Variants in STX7 observed in about 807,000 individuals in gnomAD.
STX7 encodes syntaxin 7, also known as syntaxin-7.
Under a neutral mutation model 39.6 loss-of-function variants are expected in STX7, and 34 were observed. The observed-to-expected ratio is 0.86, with a 90% CI of 0.65 to 1.14. STX7 has a LOEUF of 1.14. Ranked by LOEUF, STX7 falls within the 50% of genes most tolerant of loss-of-function variation. The pLI is 0.00. For missense variants in STX7, 284 were observed against 310.4 expected, an observed-to-expected ratio of 0.92 and a Z score of 0.64; for synonymous variants, 119 against 99.1, an observed-to-expected ratio of 1.20 and a Z score of -1.19.
intron 2 of STX7, among the ~76,000 whole-genome samples, chr6:132,477,630 A>T (rs1205614087): frequency 1.3e-5 from 2 of 152,156 alleles, no homozygotes; most frequent in African/African-American, 2.4e-5. Context: ...GGAGTAAGAG[A>T]TATAAAATAT....
Position 132,471,590 on chromosome 6 carries a change from T to C in STX7, c.260A>G (p.Lys87Arg). The stretch of plus-strand genomic sequence containing the variant: ...TGCCACTAAGCGATCCTTCTGTATT[T>C]TCCTTTGACGCTAGAGGAAAGAGAA... ...PTTPSEQRQR[K>R]IQKDRLVAEF... The change falls in exon 5 of 10, where the codon AAA becomes AGA. Residue 87 changes from lysine (K) to arginine (R), a missense_variant. Physicochemically the swap from Lys to Arg is conservative, Grantham distance 26. Coordinates refer to ENST00000367941, the MANE Select transcript of STX7 (RefSeq NM_003569.3). The C allele has an allele frequency of 2.5e-6, 4 of 1,612,586 alleles. No homozygotes were observed. The highest frequency in any genetic ancestry group is 3.4e-6 in the Non-Finnish European group (4 of 1,179,510).
chr6:132,470,676 A>T, intron 5 of STX7, 50 bp from the exon 6 acceptor site: 1 of 1,334,436 alleles, frequency 7.5e-7, no homozygotes, highest in Non-Finnish European at 1.1e-6. Flanking sequence ...AAAAAGCAAA[A>T]ATGAGAAAAA....
rs1562343799 is a variant in STX7, at chr6:132,509,517, A to ATAAC, written c.-59+3489_-59+3490insGTTA. On this transcript the variant is annotated intron_variant, in intron 1 of 9. Transcript: ENST00000367941. ...CATAACATAACATAACATAACATAAAATAAAAAAAGACAAAAGAAAAACCA... is the reference window on the plus strand; with the variant it reads ...CATAACATAACATAACATAACATAAATAACATAAAAAAAGACAAAAGAAAAACCA... 8.9e-4 allele frequency among the ~76,000 whole-genome samples: 125 copies of ATAAC among 140,798 alleles called. 1 individual carries two copies. Among genetic ancestry groups the ATAAC allele is most frequent in the East Asian group, 7.5e-3 (37 of 4,932 alleles). 92.4% of individuals were successfully genotyped at this position (140,798 alleles called of 152,430 possible).
At chr6:132,492,507 C>G (rs552766628) in intron 2 of STX7, among the ~76,000 whole-genome samples, 3 of 152,290 alleles carry the variant, frequency 2.0e-5, no homozygotes, top group African/African-American at 7.2e-5. Flanking sequence ...TCCAGACAGT[C>G]CCTAGCACAT....
chr6:132,473,512 A>C (rs1289150547), intron 3 of STX7, among the ~76,000 whole-genome samples: 1 of 109,030 alleles, frequency 9.2e-6, no homozygotes, highest in Admixed American at 1.0e-4. Flanking sequence ...TTTTTTTATT[A>C]TTGTGTTGTT....
rs1009580476 is a variant in STX7 at position 132,450,590 on chromosome 6, G to A, written c.*10168C>T. On this transcript the variant is annotated 3_prime_UTR_variant, in exon 10 of 10. Coordinates refer to ENST00000367941, the MANE Select transcript of STX7 (RefSeq NM_003569.3). ...ACTCCAGGGGTCAACCAACATTTTC[G>A]GTAAAGGGCCAGAAATTTTAAAATT... 3 of 151,806 alleles carry A rather than the reference G, an allele frequency of 2.0e-5. No individual in the cohort carries two copies. Among genetic ancestry groups the A allele is most frequent in the East Asian group, 3.9e-4 (2 of 5,176 alleles). 9.4% of individuals were successfully genotyped at this position (151,806 alleles called of 1,614,324 possible). A position where few individuals can be genotyped will look rare whatever the true frequency, so the allele number is the denominator to read the frequency against.
intron 8 of STX7, among the ~76,000 whole-genome samples, chr6:132,464,767 T>C (rs796653710): frequency 4.7e-4 from 72 of 152,300 alleles, no homozygotes; most frequent in African/African-American, 1.7e-3. Flanking sequence ...TACAGAGTGC[T>C]GAAGGCCATT....
chr6:132,474,227 CAAAAA>C (rs67939950), intron 3 of STX7, among the ~76,000 whole-genome samples: 6 of 69,922 alleles, frequency 8.6e-5, no homozygotes, highest in Non-Finnish European at 1.3e-4. Context: ...GATCCTGTCT[CAAAAA>C]AAAAAAAAAA....
chr6:132,463,825 G>C (rs751992188), intron 9 of STX7, among the ~76,000 whole-genome samples, 168 bp downstream of exon 9: 15 of 152,204 alleles, frequency 9.9e-5, no homozygotes, highest in Non-Finnish European at 1.9e-4. Flanking sequence ...GCTAAAAACA[G>C]TTCTAAACTG....
rs1774018492 is a variant in STX7 at position 132,446,548 on chromosome 6, T to C, written c.*14210A>G. 1 of 152,214 alleles carries C rather than the reference T, an allele frequency of 6.6e-6. No individual in the cohort carries two copies. Among genetic ancestry groups the C allele is most frequent in the Non-Finnish European group, 1.5e-5 (1 of 68,046 alleles). The allele number at this position is 152,214 out of a possible 1,614,324, so 9.4% of individuals were successfully genotyped here. A position where few individuals can be genotyped will look rare whatever the true frequency, so the allele number is the denominator to read the frequency against. On this transcript the variant is annotated 3_prime_UTR_variant, in exon 10 of 10. Coordinates refer to ENST00000367941, the MANE Select transcript of STX7 (RefSeq NM_003569.3). ...TCGCATTGTCCCCAATGTCAGAATG[T>C]GCTGAATAAGATTTTGCTTTTTCTC...
Position 132,451,952 on chromosome 6 carries a change from C to A in STX7, c.*8806G>T. 1 of 152,118 alleles carries A rather than the reference C, an allele frequency of 6.6e-6. No homozygotes were observed. The highest frequency in any genetic ancestry group is 1.9e-4 in the East Asian group (1 of 5,190). 9.4% of individuals were successfully genotyped at this position (152,118 alleles called of 1,614,324 possible). A position where few individuals can be genotyped will look rare whatever the true frequency, so the allele number is the denominator to read the frequency against. On this transcript the variant is annotated 3_prime_UTR_variant, in exon 10 of 10. Coordinates refer to ENST00000367941, the MANE Select transcript of STX7 (RefSeq NM_003569.3). ...GAAGCTAGTATTACCCTGATACCAC[C>A]AACCAGTATGTCGCATTAAAACAGA... is the stretch of plus-strand genomic sequence containing the variant.
chr6:132,470,625 C>T lies in STX7; in HGVS notation c.389G>A (p.Gly130Asp). 2 of 1,607,306 alleles carry T rather than the reference C, an allele frequency of 1.2e-6. No individual in the cohort carries two copies. Among genetic ancestry groups the T allele is most frequent in the Non-Finnish European group, 1.7e-6 (2 of 1,175,790 alleles). ...TTTTGAGCTGTCCTCAGGAAAACTG[C>T]CCTGAATAATTTAGTAACAGGATGG... ...ARVRASSRVS[G>D]SFPEDSSKER... is the part of the protein sequence containing the mutation. Residue 130 changes from glycine (G) to aspartate (D), a missense_variant and splice_region_variant, in exon 6 of 10, where the codon GGC becomes GAC. Physicochemically the swap from Gly to Asp is moderately conservative, Grantham distance 94 (BLOSUM62 -1). Transcript: ENST00000367941.
chr6:132,506,768 C>T (rs1333744316), intron 1 of STX7, among the ~76,000 whole-genome samples: 1 of 151,854 alleles, frequency 6.6e-6, no homozygotes, highest in Non-Finnish European at 1.5e-5. Context: ...ATATTTGATC[C>T]AGTAACCTCG....
intron 2 of STX7, among the ~76,000 whole-genome samples, chr6:132,486,852 A>G (rs1775146659): frequency 6.6e-6 from 1 of 152,018 alleles, no homozygotes; most frequent in Admixed American, 6.6e-5. Context: ...CTTTTAGTAG[A>G]GACAGAGTTT....
In STX7 at chr6:132,450,540, ACT is replaced by A. The variant is rs1358579838; in HGVS notation, c.*10216_*10217del. 6.6e-6 allele frequency: 1 copy of A among 151,854 alleles called. No homozygotes were observed. Among genetic ancestry groups the A allele is most frequent in the Non-Finnish European group, 1.5e-5 (1 of 68,008 alleles). 9.4% of individuals were successfully genotyped at this position (151,854 alleles called of 1,614,324 possible). A position where few individuals can be genotyped will look rare whatever the true frequency, so the allele number is the denominator to read the frequency against. On this transcript the variant is annotated 3_prime_UTR_variant, in exon 10 of 10. Coordinates refer to ENST00000367941, the MANE Select transcript of STX7 (RefSeq NM_003569.3). ...TCCTCTCAAAAAAAAAAAAATTGAT[ACT>A]CTCTTCTATAGTATAGGTTTATACT...
intron 1 of STX7, among the ~76,000 whole-genome samples, chr6:132,507,379 A>G (rs1775730410): frequency 6.6e-6 from 1 of 152,246 alleles, no homozygotes; most frequent in Non-Finnish European, 1.5e-5. Flanking sequence ...GGTTTTTAAT[A>G]TATTTACAAC....
intron 2 of STX7, among the ~76,000 whole-genome samples, chr6:132,495,246 T>C (rs1020468619): frequency 2.0e-5 from 3 of 152,198 alleles, no homozygotes; most frequent in African/African-American, 4.8e-5. Context: ...GAAAAGTCAC[T>C]GAAGAGAAGA....
chr6:132,464,548 AAC>A, intron 8 of STX7, among the ~76,000 whole-genome samples: 1 of 89,528 alleles, frequency 1.1e-5, no homozygotes, highest in South Asian at 5.5e-4. Context: ...CTCAGAGGGA[AAC>A]AAACAAACAG....
intron 1 of STX7, among the ~76,000 whole-genome samples, 155 bp downstream of exon 1, chr6:132,512,852 G>A (rs1775887734): frequency 6.6e-6 from 1 of 152,288 alleles, no homozygotes; most frequent in Admixed American, 6.5e-5. Context: ...GGGAGCTGGG[G>A]CAGTCCCGCC....
Sources: allele counts gnomAD v4.1 joint callset (sites outside exome capture counted in the v4.1 genomes callset), GRCh38; gene constraint gnomAD v4.1.1; transcripts MANE v1.5; gene names NCBI Gene and HGNC (gene_info 2026-07-23, HGNC 2026-07-21).